The following FAM204A variants were observed in gnomAD, a reference collection of about 807,000 sequenced individuals.
The protein encoded by FAM204A is protein FAM204A.
A neutral mutation model predicts 35.4 loss-of-function variants in FAM204A; 16 were observed. That is an observed-to-expected ratio of 0.45 (90% CI 0.31 to 0.69). The LOEUF (loss-of-function observed/expected upper bound fraction) is 0.69. Ranked by LOEUF, FAM204A falls within the 30% of genes least tolerant of loss-of-function variation. FAM204A has a pLI of 0.07. For missense variants in FAM204A, 240 were observed against 265.7 expected, an observed-to-expected ratio of 0.90 and a Z score of 0.67; for synonymous variants, 76 against 86.9, an observed-to-expected ratio of 0.88 and a Z score of 0.70.
chr10:118,335,963 GTTT>G (rs78235738), intron 3 of FAM204A: 4 of 455,402 alleles, frequency 8.8e-6, no homozygotes, highest in African/African-American at 4.2e-5. Flanking sequence ...AGTGGTTTGG[GTTT>G]TTTTTTTTTC....
chr10:118,318,356 T>A (rs1244857109), intron 7 of FAM204A, among the ~76,000 whole-genome samples: 1 of 152,036 alleles, frequency 6.6e-6, no homozygotes, highest in Non-Finnish European at 1.5e-5. Flanking sequence ...AAACCTACAT[T>A]ATATTCGTCA....
At position 118,298,472 on chromosome 10, in the gene FAM204A, T is replaced by C. The variant is rs1845773068; in HGVS notation, c.*12385A>G. 1 of 152,238 alleles carries C rather than the reference T, an allele frequency of 6.6e-6. No homozygotes were observed. Among genetic ancestry groups the C allele is most frequent in the East Asian group, 1.9e-4 (1 of 5,200 alleles). 9.4% of individuals were successfully genotyped at this position (152,238 alleles called of 1,614,324 possible). A position where few individuals can be genotyped will look rare whatever the true frequency, so the allele number is the denominator to read the frequency against. On this transcript the variant is annotated 3_prime_UTR_variant, in exon 9 of 9. Coordinates refer to ENST00000369183, the MANE Select transcript of FAM204A (RefSeq NM_022063.3). ...TTTTTATGTGTCAGAAAGCGTTCCT[T>C]GCATAAACAGGTGTTATTTCCATGT...
chr10:118,300,961 CATT>C lies in FAM204A; in HGVS notation c.*9893_*9895del. ...AATGTTCACAACCTCACACAGTAAG[CATT>C]ATTAACAACAGCACTTTACAAATAG... On this transcript the variant is annotated 3_prime_UTR_variant, in exon 9 of 9. Coordinates refer to ENST00000369183, the MANE Select transcript of FAM204A (RefSeq NM_022063.3). 6.6e-6 allele frequency: 1 copy of C among 152,320 alleles called. No homozygotes were observed. The highest frequency in any genetic ancestry group is 1.9e-4 in the East Asian group (1 of 5,194). 9.4% of individuals were successfully genotyped at this position (152,320 alleles called of 1,614,324 possible).
rs549703898 is a variant in FAM204A at position 118,308,887 on chromosome 10, A to G, written c.*1970T>C. ...TGCTCTAAGGAGTAGAAACAGAAAAAAAAAAAAAAATGAGACTGAAGTCAA... is the reference window on the plus strand; with the variant it reads ...TGCTCTAAGGAGTAGAAACAGAAAAGAAAAAAAAAATGAGACTGAAGTCAA... On this transcript the variant is annotated 3_prime_UTR_variant, in exon 9 of 9. Coordinates refer to ENST00000369183, the MANE Select transcript of FAM204A (RefSeq NM_022063.3). The G allele has an allele frequency of 6.6e-6, 1 of 152,252 alleles. No individual in the cohort carries two copies. The highest frequency in any genetic ancestry group is 2.4e-5 in the African/African-American group (1 of 41,538). 9.4% of individuals were successfully genotyped at this position (152,252 alleles called of 1,614,324 possible).
intron 6 of FAM204A, among the ~76,000 whole-genome samples, chr10:118,331,712 T>C (rs897597902): frequency 6.6e-6 from 1 of 151,962 alleles, no homozygotes; most frequent in African/African-American, 2.4e-5. Flanking sequence ...TCCATTGAAG[T>C]TTGCATTACT....
chr10:118,336,567 G>T, intron 2 of FAM204A, 144 bp from the exon 3 acceptor site: 1 of 634,772 alleles, frequency 1.6e-6, no homozygotes, highest in Non-Finnish European at 2.5e-6. Flanking sequence ...ATCTAAAATG[G>T]CATAGAATGA....
intron 2 of FAM204A, among the ~76,000 whole-genome samples, chr10:118,336,630 AG>A (rs1846393165): frequency 6.6e-6 from 1 of 152,220 alleles, no homozygotes; most frequent in African/African-American, 2.4e-5. Context: ...AAAAAAGTTT[AG>A]AAGTTTAAAA....
intron 7 of FAM204A, among the ~76,000 whole-genome samples, chr10:118,325,164 G>C (rs902412573): frequency 1.3e-5 from 2 of 152,022 alleles, no homozygotes; most frequent in African/African-American, 4.8e-5. Flanking sequence ...AAAGCCTGCA[G>C]CCAAAAAGAA....
At chr10:118,324,961 A>C (rs1170438367) in intron 7 of FAM204A, among the ~76,000 whole-genome samples, 2 of 152,054 alleles carry the variant, frequency 1.3e-5, no homozygotes, top group African/African-American at 4.8e-5. Flanking sequence ...TGGCTTTATA[A>C]TTTCCTTTAT....
chr10:118,339,345 A>G (rs1192208199), intron 2 of FAM204A, among the ~76,000 whole-genome samples: 1 of 152,196 alleles, frequency 6.6e-6, no homozygotes, highest in Non-Finnish European at 1.5e-5. Context: ...TATTCATAGC[A>G]TATACTTGTC....
Position 118,341,783 on chromosome 10 carries a change from G to C in FAM204A, c.-65C>G, listed in dbSNP as rs757125973. On this transcript the variant is annotated 5_prime_UTR_variant, in exon 2 of 9. Transcript: ENST00000369183. ...AAAGGTACACCGTTCCTGCTTGGCT[G>C]CACAACCCGGAATTCTGCAGGCTTT... is the stretch of plus-strand genomic sequence containing the variant. 1 of 152,184 alleles carries C rather than the reference G, an allele frequency of 6.6e-6. No individual in the cohort carries two copies. Among genetic ancestry groups the C allele is most frequent in the Non-Finnish European group, 1.5e-5 (1 of 68,130 alleles). 9.4% of individuals were successfully genotyped at this position (152,184 alleles called of 1,614,324 possible). A position where few individuals can be genotyped will look rare whatever the true frequency, so the allele number is the denominator to read the frequency against.
At chr10:118,332,831 T>C (rs1030316945) in intron 6 of FAM204A, among the ~76,000 whole-genome samples, 3 of 152,230 alleles carry the variant, frequency 2.0e-5, no homozygotes, top group Admixed American at 6.5e-5. Flanking sequence ...TACATAAAAC[T>C]ACTTCAATAA....
chr10:118,320,973 C>A (rs971065111), intron 7 of FAM204A, among the ~76,000 whole-genome samples: 3 of 149,436 alleles, frequency 2.0e-5, no homozygotes, highest in Non-Finnish European at 4.5e-5. Flanking sequence ...CTTCATTTTT[C>A]TCAATACTGA....
rs1845783637 is a variant in FAM204A at position 118,299,393 on chromosome 10, T to TTTTTTTTTTTTTTTTTTTTTTTG, written c.*11463_*11464insCAAAAAAAAAAAAAAAAAAAAAA. On this transcript the variant is annotated 3_prime_UTR_variant, in exon 9 of 9. Coordinates refer to ENST00000369183, the MANE Select transcript of FAM204A (RefSeq NM_022063.3). ...CTCCTCCTTTCTGCTTCCAGAAGGT[T>TTTTTTTTTTTTTTTTTTTTTTTG]TTTTTTTTTTTTTTTTTTTTGAGAC... 1 of 103,364 alleles carries TTTTTTTTTTTTTTTTTTTTTTTG rather than the reference T, an allele frequency of 9.7e-6. No homozygotes were observed. Among genetic ancestry groups the TTTTTTTTTTTTTTTTTTTTTTTG allele is most frequent in the Non-Finnish European group, 2.0e-5 (1 of 51,234 alleles). 6.4% of individuals were successfully genotyped at this position (103,364 alleles called of 1,614,324 possible). A position where few individuals can be genotyped will look rare whatever the true frequency, so the allele number is the denominator to read the frequency against.
At chr10:118,338,949 C>T (rs1490285444) in intron 2 of FAM204A, among the ~76,000 whole-genome samples, 1 of 152,144 alleles carries the variant, frequency 6.6e-6, no homozygotes, top group Non-Finnish European at 1.5e-5. Context: ...ATATTTTTAG[C>T]TCCTGCTCAT....
intron 7 of FAM204A, among the ~76,000 whole-genome samples, chr10:118,320,895 G>A (rs1302218724): frequency 6.6e-6 from 1 of 150,602 alleles, no homozygotes; most frequent in East Asian, 1.9e-4. Context: ...GTGTGTGTGT[G>A]TGTGTGTGGT....
At chr10:118,339,468 T>A (rs77853296) in intron 2 of FAM204A, among the ~76,000 whole-genome samples, 50 of 152,294 alleles carry the variant, frequency 3.3e-4, no homozygotes, top group African/African-American at 1.1e-3. Flanking sequence ...CAGAGCGTAT[T>A]TCTTTATTTT....
At chr10:118,338,031 T>G (rs1327044607) in intron 2 of FAM204A, among the ~76,000 whole-genome samples, 2 of 152,224 alleles carry the variant, frequency 1.3e-5, no homozygotes, top group Non-Finnish European at 2.9e-5. Context: ...TTTGGTTTTC[T>G]GAATGGAGGA....
intron 7 of FAM204A, chr10:118,322,431 T>G (rs1245626412): frequency 2.2e-6 from 1 of 455,084 alleles, no homozygotes. Context: ...ATGCATAACC[T>G]AAAACTAATC....
Sources: allele counts gnomAD v4.1 joint callset (sites outside exome capture counted in the v4.1 genomes callset), GRCh38; gene constraint gnomAD v4.1.1; transcripts MANE v1.5; gene names NCBI Gene and HGNC (gene_info 2026-07-23, HGNC 2026-07-21).